The following MCC variants were observed in gnomAD, a reference collection of about 807,000 sequenced individuals.
MCC encodes the protein MCC regulator of Wnt signaling pathway.
A neutral mutation model predicts 116.2 loss-of-function variants in MCC; 90 were observed. The ratio of observed to expected loss-of-function variants is 0.77; its 90% CI spans 0.65 to 0.92. MCC has a LOEUF of 0.92. Ranked by LOEUF, MCC falls within the 40% of genes least tolerant of loss-of-function variation. The pLI is 0.00. For synonymous variants in MCC, 578 were observed against 510.5 expected (o/e 1.13, Z -1.78); for missense variants, 1,516 against 1,312.2 (o/e 1.16, Z -2.40).
chr5:113,184,138 T>C lies in MCC; in HGVS notation c.628-32716A>G, dbSNP rs1300723281. 2.0e-5 allele frequency among the ~76,000 whole-genome samples: 3 copies of C among 152,210 alleles called. No individual in the cohort carries two copies. The East Asian group carries it at 5.8e-4, about 29-fold the overall frequency. On this transcript the variant is annotated intron_variant, in intron 3 of 18. Coordinates refer to ENST00000408903, the MANE Select transcript of MCC (RefSeq NM_001085377.2). ...AACATTAGAATTTGCTCTTATAAGATTGTTTTCCCACTTATTAGCACCATG... is the reference window on the plus strand; with the variant it reads ...AACATTAGAATTTGCTCTTATAAGACTGTTTTCCCACTTATTAGCACCATG...
intron 3 of MCC, among the ~76,000 whole-genome samples, chr5:113,170,832 T>C (rs1761036077): frequency 6.6e-6 from 1 of 152,088 alleles, no homozygotes; most frequent in Admixed American, 6.5e-5. Flanking sequence ...GGAATACTTA[T>C]CTCTAAGGGC....
intron 3 of MCC, among the ~76,000 whole-genome samples, chr5:113,310,380 T>C (rs1267931053): frequency 6.6e-6 from 1 of 152,196 alleles, no homozygotes; most frequent in East Asian, 1.9e-4. Flanking sequence ...CTACCAATCC[T>C]TCTAGCGCCT....
intron 17 of MCC, among the ~76,000 whole-genome samples, chr5:113,034,675 T>C (rs1751207458): frequency 6.6e-6 from 1 of 152,262 alleles, no homozygotes; most frequent in Admixed American, 6.5e-5. Context: ...TCTGCATATG[T>C]GATGTCTCTC....
chr5:113,306,101 C>A (rs1043697233), intron 3 of MCC, among the ~76,000 whole-genome samples: 1 of 152,040 alleles, frequency 6.6e-6, no homozygotes, highest in Non-Finnish European at 1.5e-5. Flanking sequence ...CTTTTTATTG[C>A]CAAATAATAT....
chr5:113,031,524 A>G (rs1387064355), intron 17 of MCC, among the ~76,000 whole-genome samples: 1 of 151,920 alleles, frequency 6.6e-6, no homozygotes, highest in Non-Finnish European at 1.5e-5. Context: ...TTTGCCCTAC[A>G]TTTTATTACC....
chr5:113,035,270 T>C (rs4705533), intron 17 of MCC, among the ~76,000 whole-genome samples: 127,247 of 152,156 alleles, frequency 0.84, 53,252 homozygotes, highest in African/African-American at 0.86. Flanking sequence ...CCCTCATCCT[T>C]GACATCTGTT....
chr5:113,129,433 C>A (rs1758296037), intron 5 of MCC, among the ~76,000 whole-genome samples: 1 of 152,154 alleles, frequency 6.6e-6, no homozygotes, highest in African/African-American at 2.4e-5. Flanking sequence ...TGAAAAGATA[C>A]CATAGACAGG....
chr5:113,478,205 C>T (rs375079008), intron 1 of MCC, among the ~76,000 whole-genome samples: 4 of 152,170 alleles, frequency 2.6e-5, no homozygotes, highest in African/African-American at 9.7e-5. Flanking sequence ...TTCCACTATG[C>T]TGCAGAGAAA....
At chr5:113,481,185 T>C (rs866323737) in intron 1 of MCC, among the ~76,000 whole-genome samples, 141 of 152,200 alleles carry the variant, frequency 9.3e-4, no homozygotes, top group African/African-American at 3.4e-3. Context: ...TTTCCCTTTT[T>C]ATATATGTAC....
intron 7 of MCC, among the ~76,000 whole-genome samples, chr5:113,103,970 C>T (rs1285644815): frequency 1.3e-5 from 2 of 152,170 alleles, no homozygotes; most frequent in Non-Finnish European, 2.9e-5. Context: ...ACCGCAAAGC[C>T]AGTGAACCTG....
intron 3 of MCC, chr5:113,234,342 T>A (rs888486767): frequency 2.0e-5 from 3 of 152,042 alleles, no homozygotes; most frequent in African/African-American, 7.2e-5. Context: ...TATATAAAAA[T>A]ATATAAATTT....
At chr5:113,415,501 CT>C (rs1198494422) in intron 1 of MCC, among the ~76,000 whole-genome samples, 1 of 152,150 alleles carries the variant, frequency 6.6e-6, no homozygotes, top group Admixed American at 6.6e-5. Flanking sequence ...TCTCTTCTTG[CT>C]TTATTTCATT....
chr5:113,147,345 T>C (rs1759581614), intron 4 of MCC, among the ~76,000 whole-genome samples: 1 of 152,302 alleles, frequency 6.6e-6, no homozygotes, highest in African/African-American at 2.4e-5. Context: ...TGAGCCCCTG[T>C]TGGAAAAACC....
intron 3 of MCC, among the ~76,000 whole-genome samples, chr5:113,195,308 T>C (rs1200735508): frequency 6.6e-6 from 1 of 152,198 alleles, no homozygotes; most frequent in African/African-American, 2.4e-5. Flanking sequence ...TACCAGCACA[T>C]ACAGGCAGAA....
At chr5:113,030,431 C>T (rs953524923) in intron 17 of MCC, among the ~76,000 whole-genome samples, 24 of 152,144 alleles carry the variant, frequency 1.6e-4, no homozygotes, top group African/African-American at 5.1e-4. Flanking sequence ...GTAATCTCAG[C>T]ACTTTAGGAG....
chr5:113,343,573 C>T (rs141985913), intron 2 of MCC, among the ~76,000 whole-genome samples: 3 of 152,290 alleles, frequency 2.0e-5, no homozygotes, highest in African/African-American at 7.2e-5. Flanking sequence ...GAGTCACAGA[C>T]GGACTTATAT....
At position 113,231,986 on chromosome 5, in the gene MCC, C is replaced by T. The variant is rs1191894120; in HGVS notation, c.628-80564G>A. ...GTACAGGACCTATATAATTTTGAAT[C>T]TAAACAACCTCCTGGTTTTATAATG... On this transcript the variant is annotated intron_variant, in intron 3 of 18. Transcript: ENST00000408903. Among the ~76,000 whole-genome samples, 3 of 152,122 alleles carry T rather than the reference C, an allele frequency of 2.0e-5. No individual in the cohort carries two copies. The South Asian group carries it at 6.2e-4, about 32-fold the overall frequency.
At chr5:113,113,870 T>C (rs1428742746) in intron 6 of MCC, among the ~76,000 whole-genome samples, 5 of 152,058 alleles carry the variant, frequency 3.3e-5, no homozygotes, top group Admixed American at 3.3e-4. Context: ...GAGCCTTGAC[T>C]GGATCTGGGA....
At chr5:113,165,550 C>T (rs528754231) in intron 3 of MCC, among the ~76,000 whole-genome samples, 2 of 152,238 alleles carry the variant, frequency 1.3e-5, no homozygotes, top group East Asian at 1.9e-4. Context: ...TCTCCTACAT[C>T]GGCACTCACC....
Sources: allele counts gnomAD v4.1 joint callset (sites outside exome capture counted in the v4.1 genomes callset), GRCh38; gene constraint gnomAD v4.1.1; transcripts MANE v1.5; gene names NCBI Gene and HGNC (gene_info 2026-07-23, HGNC 2026-07-21).